COL24A1: variants seen among roughly 807,000 people sequenced by gnomAD.
COL24A1 encodes collagen type XXIV alpha 1 chain.
Under a neutral mutation model 253.9 loss-of-function variants are expected in COL24A1, and 224 were observed. That is an observed-to-expected ratio of 0.88 (90% CI 0.79 to 0.99). The LOEUF (loss-of-function observed/expected upper bound fraction) is 0.99, where lower values mean the gene tolerates loss of function less well. Ranked by LOEUF, COL24A1 falls within the 50% of genes least tolerant of loss-of-function variation. COL24A1 has a pLI of 0.00. For missense variants in COL24A1, 2,131 were observed against 2,068.5 expected (o/e 1.03, Z -0.59); for synonymous variants, 685 against 673.7 (o/e 1.02, Z -0.26).
intron 13 of COL24A1, among the ~76,000 whole-genome samples, chr1:86,033,317 C>T (rs1698736177): frequency 6.6e-6 from 1 of 152,142 alleles, no homozygotes; most frequent in Admixed American, 6.6e-5. Context: ...TGGGGAATAG[C>T]TATTGGATGG....
chr1:85,757,215 T>C (rs1171379703), intron 55 of COL24A1, among the ~76,000 whole-genome samples: 1 of 152,224 alleles, frequency 6.6e-6, no homozygotes, highest in Non-Finnish European at 1.5e-5. Flanking sequence ...AATTTTGTTA[T>C]GTATATCTTG....
chr1:85,927,113 G>A (rs1272351268), intron 24 of COL24A1, among the ~76,000 whole-genome samples: 3 of 152,154 alleles, frequency 2.0e-5, no homozygotes, highest in Non-Finnish European at 4.4e-5. Flanking sequence ...CCGGTCTACA[G>A]CTCCCAGCGT....
chr1:86,022,278 G>C lies in COL24A1; in HGVS notation c.2218C>G (p.Pro740Ala). 1 of 1,609,724 alleles carries C rather than the reference G, an allele frequency of 6.2e-7. No homozygotes were observed. Among genetic ancestry groups the C allele is most frequent in the Non-Finnish European group, 8.5e-7 (1 of 1,178,588 alleles). The change falls in exon 18 of 60, where the codon CCA (proline) becomes GCA (alanine). Residue 740 changes from proline (P) to alanine (A), a missense_variant. Transcript: ENST00000370571. ...YPGDKGAVGL[P>A]GPPGMRGKSG... is the part of the protein sequence containing the mutation. The stretch of plus-strand genomic sequence containing the variant: ...TTTCCTCTCATCCCTGGTGGTCCTG[G>C]TAAACCAACAGCACCCTAAGAGAAG...
At chr1:85,965,167 A>AG in intron 22 of COL24A1, 105 bp from the exon 23 acceptor site, 3 of 813,238 alleles carry the variant, frequency 3.7e-6, no homozygotes, top group Non-Finnish European at 5.8e-6. Flanking sequence ...ATAAATTTAA[A>AG]TACTTTAAAA....
At chr1:86,051,898 A>G (rs550425555) in intron 10 of COL24A1, among the ~76,000 whole-genome samples, 1 of 152,254 alleles carries the variant, frequency 6.6e-6, no homozygotes, top group South Asian at 2.1e-4. Context: ...TGTGATTATA[A>G]TGAGATATTC....
chr1:85,892,558 GGGT>G (rs1558554015), intron 31 of COL24A1, among the ~76,000 whole-genome samples: 1 of 151,896 alleles, frequency 6.6e-6, no homozygotes, highest in Non-Finnish European at 1.5e-5. Context: ...GCAAATATGT[GGGT>G]AAATGATAAA....
At chr1:85,999,392 A>G (rs1695174365) in intron 19 of COL24A1, among the ~76,000 whole-genome samples, 1 of 152,146 alleles carries the variant, frequency 6.6e-6, no homozygotes, top group Non-Finnish European at 1.5e-5. Flanking sequence ...TGGGAGGCTG[A>G]GGTGGGCAGA....
At chr1:86,044,084 A>G (rs1166847353) in intron 12 of COL24A1, among the ~76,000 whole-genome samples, 1 of 151,978 alleles carries the variant, frequency 6.6e-6, no homozygotes, top group Non-Finnish European at 1.5e-5. Context: ...CTACACACCT[A>G]CTTTTTTCGA....
chr1:86,083,108 T>C (rs989785894), intron 7 of COL24A1, among the ~76,000 whole-genome samples: 1 of 151,946 alleles, frequency 6.6e-6, no homozygotes. Context: ...CCATTCTGGC[T>C]AACACGGTGA....
At chr1:86,134,933 A>C (rs1649967926) in intron 2 of COL24A1, among the ~76,000 whole-genome samples, 1 of 151,306 alleles carries the variant, frequency 6.6e-6, no homozygotes, top group African/African-American at 2.4e-5. Context: ...GGATCTGTCT[A>C]ATGCTGACAT....
At chr1:85,766,668 G>A (rs1049404869) in intron 53 of COL24A1, among the ~76,000 whole-genome samples, 4 of 152,004 alleles carry the variant, frequency 2.6e-5, no homozygotes, top group African/African-American at 9.7e-5. Context: ...TGTATAATGA[G>A]CTATAAACTT....
intron 24 of COL24A1, among the ~76,000 whole-genome samples, chr1:85,937,337 T>C (rs1341658035): frequency 6.8e-6 from 1 of 147,558 alleles, no homozygotes; most frequent in African/African-American, 2.5e-5. Flanking sequence ...TACAGACTAA[T>C]GGAAATTTGT....
chr1:86,115,528 C>G, intron 3 of COL24A1, 150 bp from the exon 4 acceptor site: 2 of 684,408 alleles, frequency 2.9e-6, no homozygotes, highest in Non-Finnish European at 5.0e-6. Context: ...ACCCCCTTAC[C>G]CTAATCAGCA....
chr1:85,887,865 T>C (rs1682691482), intron 32 of COL24A1, among the ~76,000 whole-genome samples: 1 of 152,126 alleles, frequency 6.6e-6, no homozygotes, highest in Non-Finnish European at 1.5e-5. Context: ...TTAGATCTTT[T>C]TCTTTTCTCA....
At chr1:85,808,103 C>T (rs12239978) in intron 47 of COL24A1, among the ~76,000 whole-genome samples, 8,932 of 152,238 alleles carry the variant, frequency 0.059, 889 homozygotes, top group African/African-American at 0.2. Context: ...AATGTTCCTA[C>T]AACTATCCCT....
chr1:85,884,129 CTTTA>C (rs1682196940), intron 32 of COL24A1, among the ~76,000 whole-genome samples: 1 of 152,046 alleles, frequency 6.6e-6, no homozygotes, highest in Non-Finnish European at 1.5e-5. Context: ...TTGAGAAAGA[CTTTA>C]TTTCTCTTTC....
chr1:86,018,867 T>C lies in COL24A1; in HGVS notation c.2257-1663A>G, dbSNP rs756817642. Reference sequence around the variant, plus strand: ...ACAACCTCAGAGTGGTAGTTTTCTCTATTTTTTTTTAAAATACTTGTAGAG... The same window carrying C: ...ACAACCTCAGAGTGGTAGTTTTCTCCATTTTTTTTTAAAATACTTGTAGAG... On this transcript the variant is annotated intron_variant, in intron 18 of 59. Coordinates refer to ENST00000370571, the MANE Select transcript of COL24A1 (RefSeq NM_152890.7). Among the ~76,000 whole-genome samples the C allele has an allele frequency of 2.9e-4, 43 of 150,186 alleles. 1 individual carries two copies. Among genetic ancestry groups the C allele is most frequent in the Non-Finnish European group, 3.6e-4 (24 of 66,948 alleles).
At chr1:86,045,802 C>T (rs1317274872) in intron 12 of COL24A1, 3 of 416,400 alleles carry the variant, frequency 7.2e-6, no homozygotes, top group South Asian at 1.8e-5. Context: ...TCTTAATACA[C>T]TAAAATCTTT....
intron 24 of COL24A1, among the ~76,000 whole-genome samples, chr1:85,933,991 A>G (rs1023787855): frequency 1.3e-5 from 2 of 152,198 alleles, no homozygotes; most frequent in Non-Finnish European, 2.9e-5. Flanking sequence ...GGTGGCTTAA[A>G]TGGTTAGTTC....
Sources: allele counts gnomAD v4.1 joint callset (sites outside exome capture counted in the v4.1 genomes callset), GRCh38; gene constraint gnomAD v4.1.1; transcripts MANE v1.5; gene names NCBI Gene and HGNC (gene_info 2026-07-23, HGNC 2026-07-21).